ITGBL1: variants seen among roughly 807,000 people sequenced by gnomAD.
The protein encoded by ITGBL1 is integrin beta-like protein 1.
In ITGBL1, 51 loss-of-function variants were observed where a neutral mutation model predicts 68.5. The observed-to-expected ratio is 0.74, with a 90% CI of 0.59 to 0.94. The LOEUF is 0.94. Among genes scored for constraint, ITGBL1 ranks in the 40% least tolerant of loss-of-function variants. ITGBL1 has a pLI of 0.00. For missense variants in ITGBL1, 649 were observed against 647.4 expected (o/e 1.00, Z -0.03); for synonymous variants, 209 against 227.3 (o/e 0.92, Z 0.72).
chr13:101,625,461 G>T (rs1410629425), intron 7 of ITGBL1, among the ~76,000 whole-genome samples: 1 of 152,118 alleles, frequency 6.6e-6, no homozygotes, highest in African/African-American at 2.4e-5. Context: ...GTAGGTTAAG[G>T]GTTGCAGTGG....
At chr13:101,649,320 C>A (rs2032668898) in intron 7 of ITGBL1, among the ~76,000 whole-genome samples, 3 of 152,062 alleles carry the variant, frequency 2.0e-5, no homozygotes. Flanking sequence ...GGAGGAAGTA[C>A]AATAAAGTCC....
chr13:101,503,307 G>A (rs894292075), intron 2 of ITGBL1, among the ~76,000 whole-genome samples: 1 of 152,104 alleles, frequency 6.6e-6, no homozygotes, highest in African/African-American at 2.4e-5. Flanking sequence ...GAGTGGTGAG[G>A]CTCTCATTGG....
At position 101,645,145 on chromosome 13, in the gene ITGBL1, A is replaced by G. The variant is rs1364415685; in HGVS notation, c.1015+46846A>G. Reference sequence around the variant, plus strand: ...AGGGCTGGTGTGACCACTGTGTAACATGACCAAGTCTCTCATCAGAGACCA... The same window carrying G: ...AGGGCTGGTGTGACCACTGTGTAACGTGACCAAGTCTCTCATCAGAGACCA... On this transcript the variant is annotated intron_variant, in intron 7 of 10. Transcript: ENST00000376180. Among the ~76,000 whole-genome samples, 3 of 152,170 alleles carry G rather than the reference A, an allele frequency of 2.0e-5. No individual in the cohort carries two copies. The South Asian group carries it at 6.2e-4, about 32-fold the overall frequency.
chr13:101,555,356 T>C (rs2049987437), intron 2 of ITGBL1, among the ~76,000 whole-genome samples: 1 of 152,218 alleles, frequency 6.6e-6, no homozygotes, highest in East Asian at 1.9e-4. Flanking sequence ...AATAAGGATA[T>C]GTATTAATTC....
At chr13:101,461,745 C>G (rs2048321314) in intron 2 of ITGBL1, among the ~76,000 whole-genome samples, 1 of 152,150 alleles carries the variant, frequency 6.6e-6, no homozygotes, top group Admixed American at 6.5e-5. Flanking sequence ...CGTTATCATT[C>G]TTTGGGGGAA....
At chr13:101,473,106 A>G (rs1382061923) in intron 2 of ITGBL1, among the ~76,000 whole-genome samples, 7 of 152,174 alleles carry the variant, frequency 4.6e-5, no homozygotes, top group Non-Finnish European at 1.0e-4. Context: ...AAGATAGCCA[A>G]CTAGAACCCT....
chr13:101,679,672 C>T (rs996662181), intron 7 of ITGBL1, among the ~76,000 whole-genome samples: 7 of 152,080 alleles, frequency 4.6e-5, no homozygotes, highest in African/African-American at 7.2e-5. Context: ...TAATTTATAG[C>T]GTTTTTGTTA....
intron 7 of ITGBL1, among the ~76,000 whole-genome samples, chr13:101,615,926 A>G (rs1329400959): frequency 6.6e-6 from 1 of 152,230 alleles, no homozygotes; most frequent in African/African-American, 2.4e-5. Flanking sequence ...TAGACACTGC[A>G]TCTTCCGGTG....
chr13:101,505,786 G>A (rs2139096729), intron 2 of ITGBL1, among the ~76,000 whole-genome samples: 2 of 152,266 alleles, frequency 1.3e-5, no homozygotes, highest in South Asian at 4.1e-4. Context: ...ACTCCCCAGA[G>A]CAATTCTACC....
chr13:101,477,276 T>A (rs9557666), intron 2 of ITGBL1, among the ~76,000 whole-genome samples: 21,608 of 151,896 alleles, frequency 0.14, 2,031 homozygotes, highest in East Asian at 0.43. Flanking sequence ...GAAATAAATT[T>A]AAAAATTTCT....
chr13:101,486,450 C>T lies in ITGBL1; in HGVS notation c.316+32350C>T, dbSNP rs543943518. On this transcript the variant is annotated intron_variant, in intron 2 of 10. Coordinates refer to ENST00000376180, the MANE Select transcript of ITGBL1 (RefSeq NM_004791.3). ...CAGAAATCACCACTAAAGAACTTCA[C>T]CTGTTTCCCAAAACTATTGAAATAA... Among the ~76,000 whole-genome samples the T allele has an allele frequency of 2.0e-5, 3 of 152,044 alleles. 1 individual carries two copies. The East Asian group carries it at 5.8e-4, about 29-fold the overall frequency.
Position 101,716,004 on chromosome 13 carries a change from G to T in ITGBL1, c.*350G>T. 1 of 251,778 alleles carries T rather than the reference G, an allele frequency of 4.0e-6. No individual in the cohort carries two copies. The highest frequency in any genetic ancestry group is 7.9e-6 in the Non-Finnish European group (1 of 127,320). The allele number at this position is 251,778 out of a possible 1,614,324, so 15.6% of individuals were successfully genotyped here. ...AGACATTTGGTGGGTAGAGGCCAGG[G>T]ATGCTGCTGAGCATCCCGCAGTGTA... On this transcript the variant is annotated 3_prime_UTR_variant, in exon 11 of 11. Coordinates refer to ENST00000376180, the MANE Select transcript of ITGBL1 (RefSeq NM_004791.3).
At chr13:101,468,582 G>C (rs971799724) in intron 2 of ITGBL1, among the ~76,000 whole-genome samples, 1 of 152,100 alleles carries the variant, frequency 6.6e-6, no homozygotes, top group Non-Finnish European at 1.5e-5. Context: ...CATATGTAGG[G>C]ATAATTTCTT....
chr13:101,523,011 G>A (rs1389148471), intron 2 of ITGBL1, among the ~76,000 whole-genome samples: 2 of 152,104 alleles, frequency 1.3e-5, no homozygotes, highest in Non-Finnish European at 2.9e-5. Flanking sequence ...ACCTCAGATC[G>A]CTCAGAGATG....
At chr13:101,655,961 T>A (rs959094460) in intron 7 of ITGBL1, among the ~76,000 whole-genome samples, 1 of 152,150 alleles carries the variant, frequency 6.6e-6, no homozygotes, top group African/African-American at 2.4e-5. Flanking sequence ...ACAGCTTGGT[T>A]TTATCTATTT....
chr13:101,544,860 G>A (rs917051783), intron 2 of ITGBL1, among the ~76,000 whole-genome samples: 7 of 152,350 alleles, frequency 4.6e-5, no homozygotes, highest in Admixed American at 3.3e-4. Flanking sequence ...AGTCAGGCGC[G>A]AGATATAATC....
chr13:101,665,165 A>C (rs2033185111), intron 7 of ITGBL1, among the ~76,000 whole-genome samples: 1 of 152,142 alleles, frequency 6.6e-6, no homozygotes, highest in Admixed American at 6.5e-5. Context: ...AAATTTTAGA[A>C]TAAACTTGTG....
At chr13:101,479,476 A>G (rs1160492778) in intron 2 of ITGBL1, among the ~76,000 whole-genome samples, 1 of 152,156 alleles carries the variant, frequency 6.6e-6, no homozygotes, top group African/African-American at 2.4e-5. Context: ...ATCAAGTGAA[A>G]AAGCTTCTGC....
At chr13:101,576,636 T>G (rs950145826) in intron 4 of ITGBL1, among the ~76,000 whole-genome samples, 1 of 152,142 alleles carries the variant, frequency 6.6e-6, no homozygotes, top group African/African-American at 2.4e-5. Context: ...CCTGAGAAAC[T>G]GTGGCTAGCA....
Sources: gnomAD v4.1 joint callset for allele counts (sites outside exome capture counted in the v4.1 genomes callset) on GRCh38, gnomAD v4.1.1 for gene constraint, MANE v1.5 for transcripts, NCBI Gene and HGNC (gene_info 2026-07-23, HGNC 2026-07-21) for gene names.